The following PKD1L1 variants were observed in gnomAD, a reference collection of about 807,000 sequenced individuals.
PKD1L1 encodes polycystin-1-like protein 1.
PKD1L1 carries 236 observed loss-of-function variants against 323.4 expected under a neutral mutation model. That is an observed-to-expected ratio of 0.73 (90% CI 0.66 to 0.81). The LOEUF (loss-of-function observed/expected upper bound fraction) is 0.81. PKD1L1 is among the 40% of genes least tolerant of loss of function. The probability of loss-of-function intolerance (pLI) is 0.00; values close to 1 mark genes in which losing one functional copy is unlikely to be tolerated. For synonymous variants in PKD1L1, 1,344 were observed against 1,335.0 expected (o/e 1.01, Z -0.15); for missense variants, 3,320 against 3,508.0 (o/e 0.95, Z 1.35).
At chr7:47,917,800 C>T (rs1266858768) in intron 7 of PKD1L1, among the ~76,000 whole-genome samples, 1 of 152,138 alleles carries the variant, frequency 6.6e-6, no homozygotes, top group Admixed American at 6.5e-5. Flanking sequence ...GCTACCACTA[C>T]AAGAACTGCT....
chr7:47,957,761 G>A, the PKD1L1 span, among the ~76,000 whole-genome samples: 1 of 151,142 alleles, frequency 6.6e-6, no homozygotes, highest in African/African-American at 2.4e-5. Flanking sequence ...CTCCCAAAGT[G>A]CTGGGATTAC....
chr7:47,936,892 TAAC>T lies in PKD1L1; in HGVS notation c.349_351del (p.Val117del). 1.2e-6 allele frequency: 2 copies of T among 1,613,716 alleles called. No homozygotes were observed. The highest frequency in any genetic ancestry group is 1.7e-6 in the Non-Finnish European group (2 of 1,179,960). ...TCCAGAGGCGCCTGTGTTTTTTCAT[TAAC>T]AACAGCCTGTGTTTTTTCATTAACA... On this transcript the variant is annotated inframe_deletion, in exon 4 of 57. Coordinates refer to ENST00000289672, the MANE Select transcript of PKD1L1 (RefSeq NM_138295.5).
intron 4 of PKD1L1, among the ~76,000 whole-genome samples, chr7:47,933,866 A>C (rs1434712484): frequency 1.3e-5 from 2 of 152,176 alleles, no homozygotes; most frequent in African/African-American, 4.8e-5. Context: ...TGGCCGTCTT[A>C]ACTGCCACTT....
At chr7:47,887,826 C>G (rs931742311) in intron 17 of PKD1L1, among the ~76,000 whole-genome samples, 164 bp downstream of exon 17, 4 of 152,188 alleles carry the variant, frequency 2.6e-5, no homozygotes, top group Admixed American at 1.3e-4. Context: ...AGTGTTCACA[C>G]GGACTGTAGA....
At chr7:47,941,803 G>GA (rs779493483) in intron 2 of PKD1L1, among the ~76,000 whole-genome samples, 26 of 150,958 alleles carry the variant, frequency 1.7e-4, no homozygotes, top group Non-Finnish European at 3.4e-4. Flanking sequence ...AAATTATCTG[G>GA]AAAAAAAAGT....
intron 4 of PKD1L1, among the ~76,000 whole-genome samples, chr7:47,934,504 C>T (rs946175128): frequency 6.6e-6 from 1 of 152,198 alleles, no homozygotes; most frequent in East Asian, 1.9e-4. Flanking sequence ...TATTTTTAGT[C>T]CATTCATCAT....
At chr7:47,826,015 A>G (rs904779838) in intron 45 of PKD1L1, among the ~76,000 whole-genome samples, 2 of 152,082 alleles carry the variant, frequency 1.3e-5, no homozygotes, top group African/African-American at 4.8e-5. Flanking sequence ...GGGTTTGGTT[A>G]GTTCTGAGGG....
rs566243198 is a variant in PKD1L1, at chr7:47,887,189, G to A, written c.2836+801C>T. Among the ~76,000 whole-genome samples, 8 of 152,324 alleles carry A rather than the reference G, an allele frequency of 5.3e-5. No homozygotes were observed. The South Asian group carries it at 6.2e-4, about 12-fold the overall frequency. On this transcript the variant is annotated intron_variant, in intron 17 of 56. Transcript: ENST00000289672. ...TCTATGTCTTCATGTATCTGTGGCCGCTGAGGCCAGCTGTACCCAAAGCTC... is the reference window on the plus strand; with the variant it reads ...TCTATGTCTTCATGTATCTGTGGCCACTGAGGCCAGCTGTACCCAAAGCTC...
At chr7:47,836,328 T>A (rs1785457334) in intron 37 of PKD1L1, among the ~76,000 whole-genome samples, 1 of 152,102 alleles carries the variant, frequency 6.6e-6, no homozygotes. Context: ...GTGAACCCGG[T>A]GGGCTGGGTG....
chr7:47,834,923 C>CTCAG, intron 39 of PKD1L1, 44 bp downstream of exon 39: 1 of 1,560,804 alleles, frequency 6.4e-7, no homozygotes, highest in Non-Finnish European at 8.8e-7. Context: ...GTGCAAAAGG[C>CTCAG]TCAGCCCCAC....
chr7:47,853,766 C>CAAAAAAAAAAAAAAAAAAACA (rs58842095), intron 30 of PKD1L1, among the ~76,000 whole-genome samples: 1 of 108,194 alleles, frequency 9.2e-6, no homozygotes, highest in Non-Finnish European at 1.9e-5. Flanking sequence ...ACAAACAAAC[C>CAAAAAAAAAAAAAAAAAAACA]AAAAAAAAAA....
chr7:47,815,269 G>A, intron 47 of PKD1L1, 65 bp downstream of exon 47: 1 of 1,577,646 alleles, frequency 6.3e-7, no homozygotes, highest in Admixed American at 1.8e-5. Context: ...ATTAGTGACT[G>A]TTTCACCCAC....
intron 11 of PKD1L1, 77 bp from the exon 12 acceptor site, chr7:47,904,694 C>A: frequency 1.1e-4 from 156 of 1,401,490 alleles, no homozygotes; most frequent in Non-Finnish European, 1.4e-4. Context: ...AAACCGTCTG[C>A]TATACTTTAA....
chr7:47,925,414 A>AATGGAC (rs1787637907), intron 7 of PKD1L1, among the ~76,000 whole-genome samples: 1 of 152,228 alleles, frequency 6.6e-6, no homozygotes, highest in Non-Finnish European at 1.5e-5. Context: ...GCACGGAAAA[A>AATGGAC]ATGGACAGGA....
chr7:47,952,329 C>T (rs1788215982), upstream of PKD1L1, among the ~76,000 whole-genome samples: 1 of 152,198 alleles, frequency 6.6e-6, no homozygotes, highest in Non-Finnish European at 1.5e-5. Context: ...CATTTGCAAG[C>T]AGGCTGCTCC....
intron 6 of PKD1L1, among the ~76,000 whole-genome samples, chr7:47,929,857 T>C (rs562087289): frequency 6.6e-6 from 1 of 152,314 alleles, no homozygotes; most frequent in South Asian, 2.1e-4. Context: ...CAGTAAAAGG[T>C]AGAGTTTCTC....
At chr7:47,893,145 G>C (rs1786857773) in intron 15 of PKD1L1, among the ~76,000 whole-genome samples, 1 of 148,742 alleles carries the variant, frequency 6.7e-6, no homozygotes, top group African/African-American at 2.5e-5. Flanking sequence ...CAGAAGAATT[G>C]CTTGAATCCG....
At chr7:47,836,255 G>A (rs1417785243) in intron 37 of PKD1L1, among the ~76,000 whole-genome samples, 1 of 152,132 alleles carries the variant, frequency 6.6e-6, no homozygotes, top group African/African-American at 2.4e-5. Flanking sequence ...TGGATGGGTC[G>A]CTGACCCCCA....
intron 8 of PKD1L1, among the ~76,000 whole-genome samples, chr7:47,913,048 C>T: frequency 6.6e-6 from 1 of 151,920 alleles, no homozygotes; most frequent in East Asian, 1.9e-4. Context: ...AAGCCAGTCT[C>T]AGGTGGTCAT....
Sources: allele counts gnomAD v4.1 joint callset (sites outside exome capture counted in the v4.1 genomes callset), GRCh38; gene constraint gnomAD v4.1.1; transcripts MANE v1.5; gene names NCBI Gene and HGNC (gene_info 2026-07-23, HGNC 2026-07-21).